AIF1L: variants seen among roughly 807,000 people sequenced by gnomAD.
AIF1L encodes allograft inflammatory factor 1 like.
In AIF1L, 12 loss-of-function variants were observed where a neutral mutation model predicts 20.7. The ratio of observed to expected loss-of-function variants is 0.58; its 90% CI spans 0.37 to 0.94. The LOEUF is 0.94. Among genes scored for constraint, AIF1L ranks in the 40% least tolerant of loss-of-function variants. The pLI is 0.01. For missense variants in AIF1L, 173 were observed against 185.3 expected, an observed-to-expected ratio of 0.93 and a Z score of 0.39; for synonymous variants, 76 against 65.1, an observed-to-expected ratio of 1.17 and a Z score of -0.81.
rs1831131876 is a variant in AIF1L at position 131,121,238 on chromosome 9, G to T, written c.*916G>T. The T allele has an allele frequency of 3.2e-6, 2 of 634,342 alleles. No individual in the cohort carries two copies. Among genetic ancestry groups the T allele is most frequent in the South Asian group, 1.9e-5 (1 of 51,554 alleles). 39.3% of individuals were successfully genotyped at this position (634,342 alleles called of 1,614,324 possible). On this transcript the variant is annotated 3_prime_UTR_variant, in exon 6 of 6. Transcript: ENST00000247291. ...TCTGACCCCAATCTGCTTGAAACCT[G>T]ACTCTGCTTCTCTCATTTGTCTTCC...
chr9:131,118,095 T>G (rs1014350663), intron 5 of AIF1L, among the ~76,000 whole-genome samples, 177 bp downstream of exon 5: 2 of 152,136 alleles, frequency 1.3e-5, no homozygotes, highest in Non-Finnish European at 2.9e-5. Context: ...ATTGTTTGTT[T>G]GTTTTTTTTT....
In AIF1L at chr9:131,100,344, A is replaced by G. The variant is rs77688290; in HGVS notation, c.93+3481A>G. On this transcript the variant is annotated intron_variant, in intron 2 of 5. Transcript: ENST00000247291. ...TTGGTTTCACTTTAGTTTTTGCTGT[A>G]GTTTTCTGAACACTTGGTATGTGCC... Among the ~76,000 whole-genome samples, 534 of 152,310 alleles carry G rather than the reference A, an allele frequency of 3.5e-3. 8 individuals carry two copies. The highest frequency in any genetic ancestry group is 0.012 in the African/African-American group (506 of 41,572).
intron 2 of AIF1L, among the ~76,000 whole-genome samples, chr9:131,103,369 C>T (rs377521041): frequency 1.6e-3 from 247 of 152,270 alleles, no homozygotes; most frequent in African/African-American, 5.5e-3. Flanking sequence ...ACAGCATGGT[C>T]GGTGGGTGAT....
intron 3 of AIF1L, 54 bp downstream of exon 3, chr9:131,111,717 C>A: frequency 6.4e-7 from 1 of 1,551,552 alleles, no homozygotes; most frequent in Non-Finnish European, 8.9e-7. Flanking sequence ...GGGCTGGCCC[C>A]TCATCCTTGC....
chr9:131,111,846 A>G, intron 3 of AIF1L, 183 bp downstream of exon 3: 1 of 567,080 alleles, frequency 1.8e-6, no homozygotes, highest in Non-Finnish European at 3.0e-6. Context: ...AGGCCCCTCC[A>G]CCTGCCTCCC....
chr9:131,100,820 G>A (rs1427531797), intron 2 of AIF1L, among the ~76,000 whole-genome samples: 1 of 152,258 alleles, frequency 6.6e-6, no homozygotes, highest in Non-Finnish European at 1.5e-5. Context: ...CAGGGTGGCT[G>A]TGCCCTGGGA....
rs111914385 is a variant in AIF1L, at chr9:131,121,531, C to A, written c.*1209C>A. The A allele has an allele frequency of 0.012, 1,954 of 162,616 alleles. 45 individuals carry two copies. The highest frequency in any genetic ancestry group is 0.045 in the African/African-American group (1,889 of 42,064). 10.1% of individuals were successfully genotyped at this position (162,616 alleles called of 1,614,324 possible). On this transcript the variant is annotated 3_prime_UTR_variant, in exon 6 of 6. Transcript: ENST00000247291. ...ACTTCTCATTTCACAGGTGAGGAGA[C>A]TGGTGCCCCACAGGGATTAAGTGCC...
At chr9:131,100,091 G>A (rs1431087373) in intron 2 of AIF1L, among the ~76,000 whole-genome samples, 4 of 152,142 alleles carry the variant, frequency 2.6e-5, no homozygotes, top group Non-Finnish European at 2.9e-5. Context: ...TGCCCAGGCT[G>A]GGGTGCAGTG....
intron 2 of AIF1L, among the ~76,000 whole-genome samples, chr9:131,100,059 C>G (rs943108281): frequency 5.9e-5 from 9 of 151,650 alleles, no homozygotes; most frequent in African/African-American, 2.2e-4. Flanking sequence ...CTGTTGTTAA[C>G]AGAGACAGGG....
rs1371547625 is a variant in AIF1L, at chr9:131,122,423, C to T, written c.*2101C>T. 1 of 152,306 alleles carries T rather than the reference C, an allele frequency of 6.6e-6. No individual in the cohort carries two copies. Among genetic ancestry groups the T allele is most frequent in the Admixed American group, 6.5e-5 (1 of 15,284 alleles). The allele number at this position is 152,306 out of a possible 1,614,324, so 9.4% of individuals were successfully genotyped here. On this transcript the variant is annotated 3_prime_UTR_variant, in exon 6 of 6. Coordinates refer to ENST00000247291, the MANE Select transcript of AIF1L (RefSeq NM_031426.4). ...AAGTTTAAACCCCAGCAAAACATTC[C>T]TCCCTGTAAATGGAAAATCCTACTT...
intron 2 of AIF1L, among the ~76,000 whole-genome samples, chr9:131,110,695 G>T (rs1398516933): frequency 6.6e-6 from 1 of 151,262 alleles, no homozygotes; most frequent in Non-Finnish European, 1.5e-5. Context: ...TAGAGACGGG[G>T]TTTCACTATG....
intron 2 of AIF1L, among the ~76,000 whole-genome samples, chr9:131,104,061 C>T (rs902174865): frequency 6.6e-6 from 1 of 152,178 alleles, no homozygotes; most frequent in South Asian, 2.1e-4. Context: ...CTTGGATGCT[C>T]TGGTCCCCGG....
In AIF1L at chr9:131,114,609, G is replaced by A; in HGVS notation, c.193G>A (p.Gly65Ser). The A allele has an allele frequency of 1.9e-6, 3 of 1,614,146 alleles. No homozygotes were observed. Among genetic ancestry groups the A allele is most frequent in the African/African-American group, 1.3e-5 (1 of 75,056 alleles). ...KYMEFDLNNEGEIDLMSLKRM... is the reference protein window; with the variant it reads ...KYMEFDLNNESEIDLMSLKRM... ...CATGGAGTTTGACCTGAACAATGAA[G>A]GCGAGATTGGTGAGTGAAGCCTTGA... The change falls in exon 4 of 6, where the codon GGC becomes AGC. Residue 65 changes from glycine (G) to serine (S), a missense_variant. Gly to Ser is a moderately conservative substitution (Grantham distance 56). Transcript: ENST00000247291.
chr9:131,121,966 C>T lies in AIF1L; in HGVS notation c.*1644C>T, dbSNP rs891072310. ...ATTCACTGAACATATTTATTAAGCA[C>T]TTGCTGTAGGCCAACAGTTAAGAAT... On this transcript the variant is annotated 3_prime_UTR_variant, in exon 6 of 6. Coordinates refer to ENST00000247291, the MANE Select transcript of AIF1L (RefSeq NM_031426.4). The T allele has an allele frequency of 3.9e-5, 6 of 152,260 alleles. No individual in the cohort carries two copies. The highest frequency in any genetic ancestry group is 2.6e-4 in the Admixed American group (4 of 15,290). The allele number at this position is 152,260 out of a possible 1,614,324, so 9.4% of individuals were successfully genotyped here.
chr9:131,117,000 C>T (rs1313410916), intron 4 of AIF1L, among the ~76,000 whole-genome samples: 1 of 152,208 alleles, frequency 6.6e-6, no homozygotes, highest in African/African-American at 2.4e-5. Flanking sequence ...TCCTGCCATC[C>T]TTAGATGACC....
In AIF1L at chr9:131,117,900, G is replaced by C; in HGVS notation, c.347G>C (p.Arg116Pro). 6.2e-7 allele frequency: 1 copy of C among 1,611,750 alleles called. No individual in the cohort carries two copies. The highest frequency in any genetic ancestry group is 8.5e-7 in the Non-Finnish European group (1 of 1,178,896). ...RDFVNMMLGK[R>P]SAVLKLVMMF... ...TTTGTGAACATGATGCTGGGGAAACGGTCGGCTGTCCTCAAGTTGTGAGTA... is the reference window on the plus strand; with the variant it reads ...TTTGTGAACATGATGCTGGGGAAACCGTCGGCTGTCCTCAAGTTGTGAGTA... Residue 116 changes from arginine (R) to proline (P), a missense_variant, in exon 5 of 6, where the codon CGG becomes CCG. By Grantham distance (103) the Arg-to-Pro change is moderately radical. Coordinates refer to ENST00000247291, the MANE Select transcript of AIF1L (RefSeq NM_031426.4).
chr9:131,104,460 C>T (rs1830701801), intron 2 of AIF1L, among the ~76,000 whole-genome samples: 1 of 152,224 alleles, frequency 6.6e-6, no homozygotes, highest in African/African-American at 2.4e-5. Flanking sequence ...TGCCCAGAAA[C>T]CTGCAGCCAG....
intron 2 of AIF1L, among the ~76,000 whole-genome samples, chr9:131,107,065 C>A (rs1056709830): frequency 2.6e-5 from 4 of 152,148 alleles, no homozygotes; most frequent in African/African-American, 9.7e-5. Flanking sequence ...TGCACTCCAG[C>A]CTGGCGACAG....
At chr9:131,101,277 C>T (rs759949683) in intron 2 of AIF1L, among the ~76,000 whole-genome samples, 37 of 152,138 alleles carry the variant, frequency 2.4e-4, no homozygotes, top group East Asian at 3.9e-4. Flanking sequence ...TCGCTGACCC[C>T]GCAACAGGGC....
Sources: allele counts gnomAD v4.1 joint callset (sites outside exome capture counted in the v4.1 genomes callset), GRCh38; gene constraint gnomAD v4.1.1; transcripts MANE v1.5; gene names NCBI Gene and HGNC (gene_info 2026-07-23, HGNC 2026-07-21).